FBXW7: variants seen among roughly 807,000 people sequenced by gnomAD.
FBXW7 encodes F-box and WD repeat domain containing 7.
A neutral mutation model predicts 86.3 loss-of-function variants in FBXW7; 11 were observed. The observed-to-expected ratio is 0.13, with a 90% CI of 0.08 to 0.21. The LOEUF (loss-of-function observed/expected upper bound fraction) is 0.21, where lower values mean the gene tolerates loss of function less well. FBXW7 is among the 10% of genes least tolerant of loss of function. The pLI, the probability that FBXW7 is intolerant of heterozygous loss-of-function variation, is 1.00. For missense variants in FBXW7, 488 were observed against 847.4 expected, an observed-to-expected ratio of 0.58 and a Z score of 5.27; for synonymous variants, 313 against 297.9, an observed-to-expected ratio of 1.05 and a Z score of -0.52.
intron 2 of FBXW7, among the ~76,000 whole-genome samples, chr4:152,454,202 A>G (rs1579244565): frequency 6.6e-6 from 1 of 151,498 alleles, no homozygotes; most frequent in Non-Finnish European, 1.5e-5. Flanking sequence ...TTTGTATATA[A>G]CTATAGTACT....
chr4:152,514,132 A>G (rs1197134249), intron 2 of FBXW7, among the ~76,000 whole-genome samples: 1 of 152,280 alleles, frequency 6.6e-6, no homozygotes, highest in Non-Finnish European at 1.5e-5. Context: ...TTTTTGCTTT[A>G]TTAACATAGC....
intron 4 of FBXW7, among the ~76,000 whole-genome samples, chr4:152,364,820 A>G (rs1281287443): frequency 6.6e-6 from 1 of 152,152 alleles, no homozygotes; most frequent in Non-Finnish European, 1.5e-5. Context: ...TCTACCCTAC[A>G]CTTTGTCTCA....
At chr4:152,513,104 C>T (rs112002165) in intron 2 of FBXW7, among the ~76,000 whole-genome samples, 1,530 of 152,222 alleles carry the variant, frequency 0.01, 13 homozygotes, top group Non-Finnish European at 0.018. Context: ...TCAGGTGATC[C>T]GCTCACCTCA....
At chr4:152,325,961 A>T (rs2126490711) in intron 12 of FBXW7, 45 bp downstream of exon 12, 1 of 1,513,102 alleles carries the variant, frequency 6.6e-7, no homozygotes. Context: ...AAACAACCTT[A>T]TGATTCATCA....
At chr4:152,384,406 C>T (rs1735354113) in intron 4 of FBXW7, among the ~76,000 whole-genome samples, 1 of 152,012 alleles carries the variant, frequency 6.6e-6, no homozygotes, top group Non-Finnish European at 1.5e-5. Context: ...AGATACTATA[C>T]TAAGTAAAAT....
At chr4:152,406,748 T>C (rs1478233008) in intron 4 of FBXW7, among the ~76,000 whole-genome samples, 2 of 152,202 alleles carry the variant, frequency 1.3e-5, no homozygotes, top group Non-Finnish European at 2.9e-5. Flanking sequence ...TATGTCTATT[T>C]TTATTGAAGA....
intron 4 of FBXW7, among the ~76,000 whole-genome samples, chr4:152,386,930 C>T (rs1412974523): frequency 1.3e-5 from 2 of 152,060 alleles, no homozygotes; most frequent in Non-Finnish European, 2.9e-5. Context: ...CTTGTAACAA[C>T]AATAAAAATA....
intron 2 of FBXW7, among the ~76,000 whole-genome samples, chr4:152,526,096 T>C (rs1749484355): frequency 2.0e-5 from 3 of 152,224 alleles, no homozygotes. Flanking sequence ...GTAAGTCTTC[T>C]TCTGAGAAGT....
intron 4 of FBXW7, among the ~76,000 whole-genome samples, chr4:152,375,515 C>CTT: frequency 6.6e-6 from 1 of 151,968 alleles, no homozygotes; most frequent in African/African-American, 2.4e-5. Flanking sequence ...ATATTATCTC[C>CTT]TATAAGAATA....
chr4:152,362,501 C>T (rs1472847194), intron 4 of FBXW7, among the ~76,000 whole-genome samples: 1 of 151,962 alleles, frequency 6.6e-6, no homozygotes, highest in Non-Finnish European at 1.5e-5. Context: ...CAACAACAGA[C>T]AACTTAGCAT....
At chr4:152,371,432 T>C (rs1733995423) in intron 4 of FBXW7, among the ~76,000 whole-genome samples, 2 of 151,990 alleles carry the variant, frequency 1.3e-5, no homozygotes, top group Admixed American at 1.3e-4. Flanking sequence ...CTATTTATCA[T>C]TTCAGAGCAT....
At chr4:152,456,940 A>C (rs946162221) in intron 2 of FBXW7, among the ~76,000 whole-genome samples, 2 of 152,258 alleles carry the variant, frequency 1.3e-5, no homozygotes, top group Admixed American at 6.5e-5. Context: ...CATAATAGTC[A>C]ATAACTGTTA....
In FBXW7 at chr4:152,332,687, G is replaced by T. The variant is rs1226469007; in HGVS notation, c.894C>A (p.Pro298=). ...LALYVLSFLE[P]KDLLQAAQTC... ...TCTGAGCTGCTTGTAGCAGGTCTTT[G>T]GGTTCCAGGAATGAAAGCACATAGA... The change falls in exon 8 of 14, where the codon CCC becomes CCA. Residue 298 remains proline, a synonymous_variant. Coordinates refer to ENST00000281708, the MANE Select transcript of FBXW7 (RefSeq NM_001349798.2). The T allele has an allele frequency of 6.3e-7, 1 of 1,598,194 alleles. No individual in the cohort carries two copies. Among genetic ancestry groups the T allele is most frequent in the Admixed American group, 1.7e-5 (1 of 59,672 alleles).
At chr4:152,340,174 TA>T (rs1282174529) in intron 6 of FBXW7, among the ~76,000 whole-genome samples, 2 of 152,194 alleles carry the variant, frequency 1.3e-5, no homozygotes, top group African/African-American at 4.8e-5. Context: ...AATGTATTTT[TA>T]TTTTGTTTTA....
At chr4:152,527,170 T>A (rs1007746937) in intron 2 of FBXW7, among the ~76,000 whole-genome samples, 1 of 152,212 alleles carries the variant, frequency 6.6e-6, no homozygotes, top group Non-Finnish European at 1.5e-5. Context: ...TTTTCCTCCA[T>A]CAACAGGTGA....
At chr4:152,441,136 C>A (rs1312947448) in intron 2 of FBXW7, among the ~76,000 whole-genome samples, 3 of 152,138 alleles carry the variant, frequency 2.0e-5, no homozygotes, top group Non-Finnish European at 4.4e-5. Flanking sequence ...ACTTATATGG[C>A]TAAGTATGTT....
intron 4 of FBXW7, among the ~76,000 whole-genome samples, chr4:152,378,288 T>C (rs140206275): frequency 6.6e-6 from 1 of 152,248 alleles, no homozygotes; most frequent in South Asian, 2.1e-4. Flanking sequence ...GAATAGAATT[T>C]GATATAGAAT....
At chr4:152,517,697 G>A (rs1748624607) in intron 2 of FBXW7, among the ~76,000 whole-genome samples, 1 of 152,174 alleles carries the variant, frequency 6.6e-6, no homozygotes, top group Non-Finnish European at 1.5e-5. Context: ...AGGACTGGAT[G>A]AGGTAATACA....
intron 4 of FBXW7, among the ~76,000 whole-genome samples, chr4:152,393,934 T>C (rs1257549507): frequency 6.6e-6 from 1 of 152,120 alleles, no homozygotes; most frequent in Non-Finnish European, 1.5e-5. Context: ...TTAAACCTGA[T>C]CTATGAAAAC....
Sources: allele counts gnomAD v4.1 joint callset (sites outside exome capture counted in the v4.1 genomes callset), GRCh38; gene constraint gnomAD v4.1.1; transcripts MANE v1.5; gene names NCBI Gene and HGNC (gene_info 2026-07-23, HGNC 2026-07-21).